Variants in CMTM7 observed in about 807,000 individuals in gnomAD.
CMTM7 encodes CKLF-like MARVEL transmembrane domain-containing protein 7.
In CMTM7, 7 loss-of-function variants were observed where a neutral mutation model predicts 19.3. The observed-to-expected ratio is 0.36, with a 90% confidence interval of 0.21 to 0.68. The LOEUF is 0.68. CMTM7 is among the 30% of genes least tolerant of loss of function. The pLI is 0.60. For missense variants in CMTM7, 193 were observed against 232.6 expected, an observed-to-expected ratio of 0.83 and a Z score of 1.11; for synonymous variants, 87 against 99.3, an observed-to-expected ratio of 0.88 and a Z score of 0.74.
chr3:32,417,995 T>C (rs1696292255), intron 1 of CMTM7, among the ~76,000 whole-genome samples: 1 of 152,154 alleles, frequency 6.6e-6, no homozygotes. Flanking sequence ...CTAATTTTTG[T>C]ATTTTTTGTA....
At chr3:32,396,811 G>A (rs1311370498) in intron 1 of CMTM7, among the ~76,000 whole-genome samples, 2 of 152,202 alleles carry the variant, frequency 1.3e-5, no homozygotes, top group Non-Finnish European at 2.9e-5. Flanking sequence ...GTGCCTGAAG[G>A]GTCTGAGCTG....
intron 1 of CMTM7, among the ~76,000 whole-genome samples, chr3:32,394,441 A>G (rs1695886226): frequency 6.6e-6 from 1 of 152,184 alleles, no homozygotes; most frequent in Admixed American, 6.5e-5. Context: ...GATCTGATCA[A>G]TAGATCTGCC....
chr3:32,420,906 T>G (rs985095424), intron 1 of CMTM7, among the ~76,000 whole-genome samples: 2 of 152,174 alleles, frequency 1.3e-5, no homozygotes, highest in South Asian at 4.1e-4. Flanking sequence ...CTTGACCATG[T>G]TGTCAACAAT....
chr3:32,416,602 G>C (rs1331287248), intron 1 of CMTM7, among the ~76,000 whole-genome samples: 1 of 151,478 alleles, frequency 6.6e-6, no homozygotes, highest in Non-Finnish European at 1.5e-5. Flanking sequence ...TTGTTAGCCA[G>C]GATGGTCTTG....
At chr3:32,427,491 C>T (rs1369874983) in intron 1 of CMTM7, among the ~76,000 whole-genome samples, 1 of 152,152 alleles carries the variant, frequency 6.6e-6, no homozygotes, top group African/African-American at 2.4e-5. Context: ...GCTTCTTAGA[C>T]AGTCTGGGAC....
At chr3:32,413,315 A>G (rs1486482327) in intron 1 of CMTM7, among the ~76,000 whole-genome samples, 1 of 152,246 alleles carries the variant, frequency 6.6e-6, no homozygotes, top group African/African-American at 2.4e-5. Context: ...ATATTTATTC[A>G]CAGGATATAT....
intron 3 of CMTM7, 23 bp from the exon 4 acceptor site, chr3:32,452,368 TC>T (rs1696850486): frequency 1.2e-6 from 2 of 1,614,082 alleles, no homozygotes; most frequent in Non-Finnish European, 1.7e-6. Context: ...CCTGTGAACT[TC>T]CTCTCCCCTC....
chr3:32,414,740 C>T (rs1434757719), intron 1 of CMTM7, among the ~76,000 whole-genome samples: 2 of 152,156 alleles, frequency 1.3e-5, no homozygotes, highest in African/African-American at 4.8e-5. Flanking sequence ...CTGCAGGGAC[C>T]CAGTGAGAGT....
At chr3:32,405,714 C>T (rs1460836948) in intron 1 of CMTM7, among the ~76,000 whole-genome samples, 3 of 152,136 alleles carry the variant, frequency 2.0e-5, no homozygotes, top group African/African-American at 7.2e-5. Flanking sequence ...ATGATCTATG[C>T]CACTGCACTT....
intron 2 of CMTM7, among the ~76,000 whole-genome samples, chr3:32,447,033 T>C (rs1696763749): frequency 6.6e-6 from 1 of 152,214 alleles, no homozygotes; most frequent in Non-Finnish European, 1.5e-5. Flanking sequence ...ACCTTCCTTC[T>C]CCTTTAATAT....
At chr3:32,429,571 G>A (rs999834587) in intron 1 of CMTM7, among the ~76,000 whole-genome samples, 5 of 149,956 alleles carry the variant, frequency 3.3e-5, no homozygotes, top group Non-Finnish European at 7.4e-5. Flanking sequence ...CATTACAGGC[G>A]TGAGCCATCA....
At chr3:32,394,474 T>C (rs1045783056) in intron 1 of CMTM7, among the ~76,000 whole-genome samples, 2 of 152,204 alleles carry the variant, frequency 1.3e-5, no homozygotes, top group African/African-American at 4.8e-5. Flanking sequence ...TAAGAAATCA[T>C]TGCAAAGGCT....
chr3:32,420,496 A>T (rs951852792), intron 1 of CMTM7, among the ~76,000 whole-genome samples: 1 of 152,214 alleles, frequency 6.6e-6, no homozygotes, highest in African/African-American at 2.4e-5. Flanking sequence ...AAAGTGAGAA[A>T]GCAAAGGAGA....
rs543769447 is a variant in CMTM7, at chr3:32,401,722, CTTCT to C, written c.159+9660_159+9663del. Among the ~76,000 whole-genome samples the C allele has an allele frequency of 3.7e-3, 558 of 152,364 alleles. 5 individuals carry two copies. The highest frequency in any genetic ancestry group is 0.012 in the African/African-American group (505 of 41,592). ...TCGGCCGCCGCCCGCGCACGCTGGC[CTTCT>C]TTGTTACTACTTTGGCTCAGTGGTT... On this transcript the variant is annotated intron_variant, in intron 1 of 4. Transcript: ENST00000334983.
chr3:32,437,118 T>C (rs1410795327), intron 1 of CMTM7, among the ~76,000 whole-genome samples: 1 of 152,168 alleles, frequency 6.6e-6, no homozygotes, highest in African/African-American at 2.4e-5. Flanking sequence ...TTAAACCCTC[T>C]GCTCCTTCCA....
intron 3 of CMTM7, chr3:32,451,726 C>T (rs149326013): frequency 9.6e-5 from 20 of 207,786 alleles, no homozygotes; most frequent in African/African-American, 4.7e-4. Flanking sequence ...TTTGATGAGC[C>T]TCCCACAGGC....
At chr3:32,398,716 G>A (rs1013359554) in intron 1 of CMTM7, among the ~76,000 whole-genome samples, 1 of 151,748 alleles carries the variant, frequency 6.6e-6, no homozygotes, top group Non-Finnish European at 1.5e-5. Context: ...CGGCGCAGTG[G>A]CTCATGCCTG....
chr3:32,452,062 C>G, intron 3 of CMTM7: 1 of 1,362,136 alleles, frequency 7.3e-7, no homozygotes, highest in Non-Finnish European at 9.6e-7. Flanking sequence ...CTCTTTTGGT[C>G]CAGGATAATC....
Position 32,449,315 on chromosome 3 carries a change from C to A in CMTM7, c.334-139C>A. The stretch of plus-strand genomic sequence containing the variant: ...TTGGCTGCCTGCGAGCGGCTCTGCT[C>A]ATCCCATTTGCGTGTTGCAAGGGAG... On this transcript the variant is annotated intron_variant, in intron 2 of 4. Coordinates refer to ENST00000334983, the MANE Select transcript of CMTM7 (RefSeq NM_138410.4). The surrounding 1 kb of genome is among the most constrained non-coding windows in gnomAD (Gnocchi z 4.5). 1 of 719,118 alleles carries A rather than the reference C, an allele frequency of 1.4e-6. No homozygotes were observed. The highest frequency in any genetic ancestry group is 2.6e-6 in the Non-Finnish European group (1 of 391,798). The allele number at this position is 719,118 out of a possible 1,614,324, so 44.5% of individuals were successfully genotyped here. A position where few individuals can be genotyped will look rare whatever the true frequency, so the allele number is the denominator to read the frequency against.
Sources: allele counts gnomAD v4.1 joint callset (sites outside exome capture counted in the v4.1 genomes callset), GRCh38; gene constraint gnomAD v4.1.1; non-coding constraint Gnocchi (gnomAD v3.1); transcripts MANE v1.5; gene names NCBI Gene and HGNC (gene_info 2026-07-23, HGNC 2026-07-21).